ADGRL3: variants seen among roughly 807,000 people sequenced by gnomAD.
The protein encoded by ADGRL3 is calcium-independent alpha-latrotoxin receptor 3.
In ADGRL3, 62 loss-of-function variants were observed where a neutral mutation model predicts 153.5. The observed-to-expected ratio is 0.40, with a 90% CI of 0.33 to 0.50. The LOEUF is 0.50. Ranked by LOEUF, ADGRL3 falls within the 20% of genes least tolerant of loss-of-function variation. ADGRL3 has a pLI of 0.47. For synonymous variants in ADGRL3, 710 were observed against 672.5 expected, an observed-to-expected ratio of 1.06 and a Z score of -0.86; for missense variants, 1,641 against 1,859.4, an observed-to-expected ratio of 0.88 and a Z score of 2.16.
chr4:61,809,106 C>T (rs904050052), intron 8 of ADGRL3, among the ~76,000 whole-genome samples: 7 of 151,912 alleles, frequency 4.6e-5, no homozygotes, highest in African/African-American at 7.3e-5. Context: ...ACAACAACAA[C>T]AAAAAGGCAT....
At chr4:62,032,529 G>C (rs1365069915) in intron 23 of ADGRL3, among the ~76,000 whole-genome samples, 1 of 151,110 alleles carries the variant, frequency 6.6e-6, no homozygotes, top group Non-Finnish European at 1.5e-5. Context: ...TGACATGGAG[G>C]GGGTAAAAAT....
intron 2 of ADGRL3, among the ~76,000 whole-genome samples, chr4:61,399,782 T>C (rs997446237): frequency 2.6e-5 from 4 of 151,750 alleles, no homozygotes; most frequent in Non-Finnish European, 1.5e-5. Flanking sequence ...TCCCTCTTGC[T>C]CTATAAACTT....
intron 1 of ADGRL3, among the ~76,000 whole-genome samples, chr4:61,290,476 G>A: frequency 6.6e-6 from 1 of 151,888 alleles, no homozygotes; most frequent in Non-Finnish European, 1.5e-5. Flanking sequence ...AGGAAGATAA[G>A]GATAACATTT....
chr4:62,006,748 T>C (rs1404004412), intron 21 of ADGRL3, among the ~76,000 whole-genome samples: 2 of 151,966 alleles, frequency 1.3e-5, no homozygotes, highest in African/African-American at 4.8e-5. Flanking sequence ...AGTGAGATGA[T>C]TTGAAAAAAA....
intron 8 of ADGRL3, among the ~76,000 whole-genome samples, chr4:61,745,529 G>T (rs975375992): frequency 6.6e-6 from 1 of 152,168 alleles, no homozygotes; most frequent in African/African-American, 2.4e-5. Flanking sequence ...AACTCTACAA[G>T]CCAGAAGACA....
intron 6 of ADGRL3, among the ~76,000 whole-genome samples, chr4:61,704,725 C>G (rs914711738): frequency 1.3e-5 from 2 of 152,102 alleles, no homozygotes; most frequent in African/African-American, 4.8e-5. Context: ...TGAAGTCCAC[C>G]CTCTCAAATC....
At chr4:61,769,988 G>A (rs1235455895) in intron 8 of ADGRL3, among the ~76,000 whole-genome samples, 4 of 152,124 alleles carry the variant, frequency 2.6e-5, no homozygotes, top group South Asian at 4.1e-4. Flanking sequence ...CAGGTCACAG[G>A]GGATACGATG....
chr4:61,208,215 G>A (rs1020895871), intron 1 of ADGRL3, among the ~76,000 whole-genome samples: 1 of 151,992 alleles, frequency 6.6e-6, no homozygotes, highest in African/African-American at 2.4e-5. Context: ...GTGGTGTAGA[G>A]ATGAACAGAA....
chr4:61,416,486 C>T (rs1230158155), intron 2 of ADGRL3, among the ~76,000 whole-genome samples: 1 of 152,128 alleles, frequency 6.6e-6, no homozygotes, highest in African/African-American at 2.4e-5. Flanking sequence ...GAAAAAAGGA[C>T]AGTTGAACAT....
At chr4:61,497,585 G>A (rs1425675863) in intron 3 of ADGRL3, among the ~76,000 whole-genome samples, 1 of 148,834 alleles carries the variant, frequency 6.7e-6, no homozygotes, top group Non-Finnish European at 1.5e-5. Flanking sequence ...GCACGATCTC[G>A]GCTTACTGCA....
At chr4:61,438,852 C>T (rs184350518) in intron 2 of ADGRL3, among the ~76,000 whole-genome samples, 4 of 151,816 alleles carry the variant, frequency 2.6e-5, no homozygotes, top group African/African-American at 4.8e-5. Flanking sequence ...AGACTACAGG[C>T]GCCCGCCACC....
At chr4:61,479,918 G>C (rs535880919) in intron 2 of ADGRL3, among the ~76,000 whole-genome samples, 2 of 151,764 alleles carry the variant, frequency 1.3e-5, no homozygotes, top group Non-Finnish European at 2.9e-5. Context: ...ATATAGTTAA[G>C]GTTCACAAGT....
intron 5 of ADGRL3, among the ~76,000 whole-genome samples, chr4:61,589,644 A>T (rs1026440874): frequency 6.6e-6 from 1 of 152,058 alleles, no homozygotes; most frequent in African/African-American, 2.4e-5. Context: ...CTTATGAAGG[A>T]TTATTACTCA....
At chr4:61,792,066 A>C (rs1351320615) in intron 8 of ADGRL3, among the ~76,000 whole-genome samples, 2 of 152,148 alleles carry the variant, frequency 1.3e-5, no homozygotes, top group Admixed American at 1.3e-4. Context: ...TCATTATGCA[A>C]ATTTCTGCAG....
At chr4:61,220,962 G>A (rs932334256) in intron 1 of ADGRL3, among the ~76,000 whole-genome samples, 1 of 152,030 alleles carries the variant, frequency 6.6e-6, no homozygotes, top group Non-Finnish European at 1.5e-5. Context: ...TTTCATTTTA[G>A]GACAGACATA....
intron 6 of ADGRL3, among the ~76,000 whole-genome samples, chr4:61,692,132 A>T (rs368984763): frequency 6.6e-6 from 1 of 152,232 alleles, no homozygotes; most frequent in African/African-American, 2.4e-5. Flanking sequence ...CTAATAGTAG[A>T]TGCTGTTCAT....
At chr4:61,204,147 T>A (rs1736080930) in intron 1 of ADGRL3, among the ~76,000 whole-genome samples, 1 of 152,190 alleles carries the variant, frequency 6.6e-6, no homozygotes, top group Non-Finnish European at 1.5e-5. Flanking sequence ...TATTTTTAGG[T>A]ACAATAATTT....
Position 61,623,682 on chromosome 4 carries a change from T to C in ADGRL3, c.473+36242T>C, listed in dbSNP as rs1299322547. Among the ~76,000 whole-genome samples the C allele has an allele frequency of 2.6e-5, 4 of 152,170 alleles. 1 individual carries two copies. Among genetic ancestry groups the C allele is most frequent in the South Asian group, 4.1e-4 (2 of 4,834 alleles). On this transcript the variant is annotated intron_variant, in intron 5 of 26. Coordinates refer to ENST00000683033, the MANE Select transcript of ADGRL3 (RefSeq NM_001387552.1). ...AAGTATTTACTACATTCTTCATATGTGTTTGGCACTTACTAGGCTATAGGG... is the reference window on the plus strand; with the variant it reads ...AAGTATTTACTACATTCTTCATATGCGTTTGGCACTTACTAGGCTATAGGG...
Position 61,202,975 on chromosome 4 carries a change from C to T in ADGRL3, c.-240+1210C>T, listed in dbSNP as rs1472497659. On this transcript the variant is annotated intron_variant, in intron 1 of 26. Coordinates refer to ENST00000683033, the MANE Select transcript of ADGRL3 (RefSeq NM_001387552.1). This position sits in a 1 kb window ranked among gnomAD's most constrained non-coding sequence, Gnocchi z 5.0. ...TGGAAAATCTGGTTTGAGGAGGCCA[C>T]GGGGGCCCCCGCAGGGTGGCGAGGA... is the stretch of plus-strand genomic sequence containing the variant. Among the ~76,000 whole-genome samples the T allele has an allele frequency of 6.6e-6, 1 of 152,138 alleles. No homozygotes were observed. The highest frequency in any genetic ancestry group is 2.4e-5 in the African/African-American group (1 of 41,444).
Sources: allele counts gnomAD v4.1 joint callset (sites outside exome capture counted in the v4.1 genomes callset), GRCh38; gene constraint gnomAD v4.1.1; non-coding constraint Gnocchi (gnomAD v3.1); transcripts MANE v1.5; gene names NCBI Gene and HGNC (gene_info 2026-07-23, HGNC 2026-07-21).